RBFOX1: variants seen among roughly 807,000 people sequenced by gnomAD.
RBFOX1 encodes the protein RNA binding fox-1 homolog 1.
Under a neutral mutation model 57.7 loss-of-function variants are expected in RBFOX1, and 8 were observed. The ratio of observed to expected loss-of-function variants is 0.14; its 90% CI spans 0.08 to 0.25. The LOEUF (loss-of-function observed/expected upper bound fraction) is 0.25. Among genes scored for constraint, RBFOX1 ranks in the 10% least tolerant of loss-of-function variants. The pLI is 1.00. For synonymous variants in RBFOX1, 326 were observed against 222.4 expected, an observed-to-expected ratio of 1.47 and a Z score of -4.15; for missense variants, 611 against 548.5, an observed-to-expected ratio of 1.11 and a Z score of -1.14.
intron 3 of RBFOX1, among the ~76,000 whole-genome samples, chr16:5,607,529 A>C (rs1248446303): frequency 6.6e-6 from 1 of 152,126 alleles, no homozygotes; most frequent in East Asian, 1.9e-4. Flanking sequence ...GACGGGTTTC[A>C]ATGTTGGCAT....
chr16:7,091,423 G>T (rs74008726), intron 4 of RBFOX1, among the ~76,000 whole-genome samples: 4,368 of 151,466 alleles, frequency 0.029, 135 homozygotes, highest in African/African-American at 0.077. Flanking sequence ...AATGGGAGAA[G>T]AGCAACAAGT....
intron 3 of RBFOX1, among the ~76,000 whole-genome samples, chr16:6,839,429 C>T (rs1053959463): frequency 1.3e-5 from 2 of 152,206 alleles, no homozygotes; most frequent in African/African-American, 4.8e-5. Flanking sequence ...ACTCAATAAA[C>T]ACCCTGAAAT....
In RBFOX1 at chr16:5,748,771, C is replaced by G. The variant is rs553441764; in HGVS notation, c.319-118532C>G. ...TTTTGAGCCTATGTGTGTCTCTGCA[C>G]ATGAGATGGGTTTCCTGAATACAGC... is the stretch of plus-strand genomic sequence containing the variant. On this transcript the variant is annotated intron_variant, in intron 3 of 19. Coordinates refer to the RBFOX1 transcript ENST00000641259. Among the ~76,000 whole-genome samples, 64 of 152,214 alleles carry G rather than the reference C, an allele frequency of 4.2e-4. 1 individual carries two copies. In the South Asian group the frequency reaches 6.8e-3, roughly 16 times the overall value.
chr16:7,123,634 G>C (rs1008439659), intron 4 of RBFOX1, among the ~76,000 whole-genome samples: 12 of 152,018 alleles, frequency 7.9e-5, no homozygotes, highest in Middle Eastern at 3.2e-3. Context: ...CAGAGTGCTG[G>C]GACTGGAGGA....
At chr16:6,866,681 A>G (rs1330898735) in intron 3 of RBFOX1, among the ~76,000 whole-genome samples, 1 of 151,404 alleles carries the variant, frequency 6.6e-6, no homozygotes, top group African/African-American at 2.4e-5. Context: ...AGCTGGGACT[A>G]CAGGCGCCTG....
intron 1 of RBFOX1, among the ~76,000 whole-genome samples, chr16:6,213,183 TA>T (rs1189964625): frequency 2.0e-5 from 3 of 152,234 alleles, no homozygotes; most frequent in Non-Finnish European, 4.4e-5. Flanking sequence ...AGAAACTATA[TA>T]TTTTTTTCTT....
Position 7,301,112 on chromosome 16 carries a change from C to T in RBFOX1, c.28-217035C>T, listed in dbSNP as rs190438226. Among the ~76,000 whole-genome samples, 688 of 152,194 alleles carry T rather than the reference C, an allele frequency of 4.5e-3. 2 individuals are homozygous for T. Among genetic ancestry groups the T allele is most frequent in the African/African-American group, 0.015 (639 of 41,522 alleles). On this transcript the variant is annotated intron_variant, in intron 4 of 15. Transcript: ENST00000550418. Reference sequence around the variant, plus strand: ...AATTCAAATTTGCTATCCCCAGATGCGGTTTAAAAGGCTGGCAAAGTGTTG... The same window carrying T: ...AATTCAAATTTGCTATCCCCAGATGTGGTTTAAAAGGCTGGCAAAGTGTTG...
intron 1 of RBFOX1, among the ~76,000 whole-genome samples, chr16:6,301,598 C>T (rs757519234): frequency 4.0e-5 from 6 of 151,874 alleles, no homozygotes; most frequent in Non-Finnish European, 7.4e-5. Context: ...GAAGGCTACC[C>T]GTGTCTGAGG....
chr16:6,583,575 C>A (rs768147660), intron 2 of RBFOX1, among the ~76,000 whole-genome samples: 1 of 152,202 alleles, frequency 6.6e-6, no homozygotes, highest in Non-Finnish European at 1.5e-5. Flanking sequence ...CATCTTGTTA[C>A]CTGTCGCCTT....
rs1387316820 is a variant in RBFOX1 at position 5,389,670 on chromosome 16, TTTATTTTATTTTA to T, written c.220-77531_220-77519del. Among the ~76,000 whole-genome samples, 14 of 151,950 alleles carry T rather than the reference TTTATTTTATTTTA, an allele frequency of 9.2e-5. No homozygotes were observed. In the East Asian group the frequency reaches 9.7e-4, roughly 11 times the overall value. ...CCTTTTTTGCTGCTTCTCTTCCTAT[TTTATTTTATTTTA>T]TTATTTTATTTTATGTTATTTTATT... On this transcript the variant is annotated intron_variant, in intron 1 of 2. Coordinates refer to the RBFOX1 transcript ENST00000585867.
At chr16:6,948,686 G>T (rs912672498) in intron 3 of RBFOX1, among the ~76,000 whole-genome samples, 1 of 151,998 alleles carries the variant, frequency 6.6e-6, no homozygotes, top group East Asian at 1.9e-4. Flanking sequence ...CTGGCGTTGT[G>T]TCAGTCTTAT....
intron 4 of RBFOX1, among the ~76,000 whole-genome samples, chr16:7,093,494 C>A (rs1200883928): frequency 1.3e-5 from 2 of 152,156 alleles, no homozygotes; most frequent in African/African-American, 4.8e-5. Context: ...GGGCTAGTTT[C>A]CCAGCATCTT....
chr16:6,709,527 C>T (rs987194496), intron 3 of RBFOX1, among the ~76,000 whole-genome samples: 1 of 152,172 alleles, frequency 6.6e-6, no homozygotes, highest in Non-Finnish European at 1.5e-5. Context: ...CTCCTACATA[C>T]TTCTTTCTAC....
At chr16:7,131,593 C>G (rs957919880) in intron 4 of RBFOX1, among the ~76,000 whole-genome samples, 2 of 151,776 alleles carry the variant, frequency 1.3e-5, no homozygotes, top group Non-Finnish European at 2.9e-5. Flanking sequence ...ACTCTGAACA[C>G]TGCAGTCTTT....
intron 3 of RBFOX1, among the ~76,000 whole-genome samples, chr16:6,922,105 C>G (rs772367421): frequency 3.9e-5 from 6 of 152,162 alleles, no homozygotes; most frequent in Non-Finnish European, 5.9e-5. Context: ...CTACAACTTT[C>G]TTCACACAGG....
At chr16:6,872,858 A>G (rs1051533218) in intron 3 of RBFOX1, among the ~76,000 whole-genome samples, 1 of 152,224 alleles carries the variant, frequency 6.6e-6, no homozygotes, top group Non-Finnish European at 1.5e-5. Context: ...GAATATAACA[A>G]TTCAAAGACT....
At chr16:6,930,517 C>G (rs2076329413) in intron 3 of RBFOX1, among the ~76,000 whole-genome samples, 1 of 152,044 alleles carries the variant, frequency 6.6e-6, no homozygotes, top group African/African-American at 2.4e-5. Context: ...TCAGGTGATT[C>G]TCCTGCCTCA....
chr16:6,568,870 G>A (rs2097304622), intron 2 of RBFOX1, among the ~76,000 whole-genome samples: 1 of 152,088 alleles, frequency 6.6e-6, no homozygotes, highest in Non-Finnish European at 1.5e-5. Context: ...CTGGGTTTAA[G>A]CGATTATCCT....
At chr16:6,262,600 T>C (rs2097708104) in intron 1 of RBFOX1, among the ~76,000 whole-genome samples, 1 of 152,200 alleles carries the variant, frequency 6.6e-6, no homozygotes, top group Non-Finnish European at 1.5e-5. Flanking sequence ...CAACAATTGA[T>C]TGCTCACTTT....
Sources: allele counts gnomAD v4.1 joint callset (sites outside exome capture counted in the v4.1 genomes callset), GRCh38; gene constraint gnomAD v4.1.1; transcripts MANE v1.5; gene names NCBI Gene and HGNC (gene_info 2026-07-23, HGNC 2026-07-21).